PRKN: variants seen among roughly 807,000 people sequenced by gnomAD.
The protein encoded by PRKN is E3 ubiquitin-protein ligase parkin.
Under a neutral mutation model 59.5 loss-of-function variants are expected in PRKN, and 56 were observed. The ratio of observed to expected loss-of-function variants is 0.94; its 90% CI spans 0.76 to 1.18. The LOEUF is 1.18. PRKN is among the 50% of genes most tolerant of loss of function. PRKN has a pLI of 0.00. For missense variants in PRKN, 657 were observed against 596.4 expected (o/e 1.10, Z -1.06); for synonymous variants, 250 against 222.1 (o/e 1.13, Z -1.12).
intron 2 of PRKN, among the ~76,000 whole-genome samples, chr6:162,424,587 T>C (rs922793711): frequency 6.6e-6 from 1 of 151,580 alleles, no homozygotes; most frequent in Non-Finnish European, 1.5e-5. Flanking sequence ...TACAAAAAAA[T>C]TAGCCGGGTG....
intron 5 of PRKN, among the ~76,000 whole-genome samples, chr6:162,005,472 A>G (rs1215028314): frequency 6.6e-6 from 1 of 152,008 alleles, no homozygotes; most frequent in Admixed American, 6.6e-5. Flanking sequence ...AAAAGATTCA[A>G]CTCAACTCTC....
chr6:162,487,713 T>G (rs1792612521), intron 1 of PRKN, among the ~76,000 whole-genome samples: 1 of 152,080 alleles, frequency 6.6e-6, no homozygotes, highest in Non-Finnish European at 1.5e-5. Flanking sequence ...TAGAAACAAC[T>G]ATTATTTGTT....
chr6:162,109,571 A>C (rs963337369), intron 4 of PRKN, among the ~76,000 whole-genome samples: 1 of 152,186 alleles, frequency 6.6e-6, no homozygotes, highest in African/African-American at 2.4e-5. Flanking sequence ...AGTTGACTCC[A>C]TGAGCTCAGC....
chr6:162,358,995 G>A (rs1375043731), intron 2 of PRKN, among the ~76,000 whole-genome samples: 2 of 148,718 alleles, frequency 1.3e-5, no homozygotes, highest in African/African-American at 5.0e-5. Flanking sequence ...GGGAGGTGGA[G>A]GTTGCAGTGA....
chr6:162,279,182 C>CA (rs1182765569), intron 2 of PRKN, among the ~76,000 whole-genome samples: 4 of 151,450 alleles, frequency 2.6e-5, no homozygotes, highest in Admixed American at 6.6e-5. Context: ...ACTAAAAATA[C>CA]AAAAAATTAG....
At chr6:162,055,944 C>A (rs536466445) in intron 4 of PRKN, among the ~76,000 whole-genome samples, 1 of 152,028 alleles carries the variant, frequency 6.6e-6, no homozygotes, top group Non-Finnish European at 1.5e-5. Context: ...TGCACACACA[C>A]ATGCATGCCA....
At chr6:162,411,498 C>T (rs1788352663) in intron 2 of PRKN, among the ~76,000 whole-genome samples, 1 of 152,128 alleles carries the variant, frequency 6.6e-6, no homozygotes, top group African/African-American at 2.4e-5. Context: ...TTGGAGATGA[C>T]ACTTGTCAAC....
Position 161,417,182 on chromosome 6 carries a change from T to G in PRKN, c.1084-30305A>C, listed in dbSNP as rs1010470526. The stretch of plus-strand genomic sequence containing the variant: ...AAGTCATCTAACGGGCTTGGCGCAG[T>G]GGCTCACGCCTGTAATCCCAGCACT... On this transcript the variant is annotated intron_variant, in intron 9 of 11. Coordinates refer to ENST00000366898, the MANE Select transcript of PRKN (RefSeq NM_004562.3). The surrounding 1 kb of genome is among the most constrained non-coding windows in gnomAD (Gnocchi z 5.4). 6.6e-6 allele frequency among the ~76,000 whole-genome samples: 1 copy of G among 152,180 alleles called. No homozygotes were observed. Among genetic ancestry groups the G allele is most frequent in the African/African-American group, 2.4e-5 (1 of 41,430 alleles).
chr6:161,566,215 G>A lies in PRKN; in HGVS notation c.933+3140C>T, dbSNP rs907890778. Among the ~76,000 whole-genome samples the A allele has an allele frequency of 6.6e-6, 1 of 152,058 alleles. No homozygotes were observed. Among genetic ancestry groups the A allele is most frequent in the African/African-American group, 2.4e-5 (1 of 41,402 alleles). Reference sequence around the variant, plus strand: ...GTTCACCTCTCACATGAATCCATTCGAGGCAGGCTTTCCCCTCACTGCCCA... The same window carrying A: ...GTTCACCTCTCACATGAATCCATTCAAGGCAGGCTTTCCCCTCACTGCCCA... On this transcript the variant is annotated intron_variant, in intron 8 of 11. Transcript: ENST00000366898. This position sits in a 1 kb window ranked among gnomAD's most constrained non-coding sequence, Gnocchi z 4.1.
At chr6:161,537,436 CT>C (rs1055309154) in intron 9 of PRKN, among the ~76,000 whole-genome samples, 10 of 148,786 alleles carry the variant, frequency 6.7e-5, no homozygotes, top group South Asian at 2.1e-4. Flanking sequence ...GCTTCAAGTT[CT>C]TTTTTTTTTC....
chr6:161,627,329 G>C lies in PRKN; in HGVS notation c.872-57913C>G, dbSNP rs151190615. On this transcript the variant is annotated intron_variant, in intron 7 of 11. Transcript: ENST00000366898. ...CTGAATCAAAGGGCAACTAAAGTAC[G>C]TATTATTTTCTGAAAGAACTCTACC... Among the ~76,000 whole-genome samples, 12 of 152,270 alleles carry C rather than the reference G, an allele frequency of 7.9e-5. No individual in the cohort carries two copies. In the East Asian group the frequency reaches 2.3e-3, roughly 29 times the overall value.
intron 7 of PRKN, among the ~76,000 whole-genome samples, chr6:161,617,023 C>A (rs1782723468): frequency 6.6e-6 from 1 of 152,212 alleles, no homozygotes; most frequent in Admixed American, 6.5e-5. Flanking sequence ...TACACTTCCA[C>A]TATCAGTGTA....
At chr6:162,202,094 AAT>A (rs1784753614) in intron 3 of PRKN, among the ~76,000 whole-genome samples, 1 of 152,170 alleles carries the variant, frequency 6.6e-6, no homozygotes, top group Non-Finnish European at 1.5e-5. Context: ...AAAATTACTA[AAT>A]AGTTTTTTCT....
At chr6:162,111,546 A>G (rs1048771594) in intron 4 of PRKN, among the ~76,000 whole-genome samples, 4 of 152,090 alleles carry the variant, frequency 2.6e-5, no homozygotes, top group Non-Finnish European at 4.4e-5. Flanking sequence ...TCACATACAT[A>G]CACACATGTA....
Position 162,262,352 on chromosome 6 carries a change from C to A in PRKN, c.412+173G>T, listed in dbSNP as rs1210163246. ...ATAGTACTTACAATAAATGCATTCT[C>A]AAATGTTACATCAAAGTACTCCACC... On this transcript the variant is annotated intron_variant, in intron 3 of 11. Coordinates refer to ENST00000366898, the MANE Select transcript of PRKN (RefSeq NM_004562.3). 5 of 785,630 alleles carry A rather than the reference C, an allele frequency of 6.4e-6. No individual in the cohort carries two copies. In the Admixed American group the frequency reaches 7.1e-5, roughly 11 times the overall value. 48.7% of individuals were successfully genotyped at this position (785,630 alleles called of 1,614,324 possible).
At chr6:162,574,905 G>T (rs1183749890) in intron 1 of PRKN, among the ~76,000 whole-genome samples, 2 of 140,918 alleles carry the variant, frequency 1.4e-5, no homozygotes, top group Non-Finnish European at 3.1e-5. Context: ...AGTGGACTTG[G>T]CAACAGTGTA....
chr6:161,791,771 T>C (rs981737401), intron 6 of PRKN, among the ~76,000 whole-genome samples: 4 of 152,202 alleles, frequency 2.6e-5, no homozygotes, highest in African/African-American at 4.8e-5. Context: ...TAGGATATAT[T>C]GCCACGCTCA....
At chr6:161,996,241 T>G (rs142105074) in intron 5 of PRKN, among the ~76,000 whole-genome samples, 1 of 152,172 alleles carries the variant, frequency 6.6e-6, no homozygotes, top group East Asian at 1.9e-4. Context: ...ATCCTATGCT[T>G]GCAGAAACCT....
At chr6:162,173,383 T>C (rs892197786) in intron 4 of PRKN, among the ~76,000 whole-genome samples, 8 of 152,208 alleles carry the variant, frequency 5.3e-5, no homozygotes, top group African/African-American at 1.9e-4. Context: ...CAGTTAGTGT[T>C]AGACAATTCA....
Sources: allele counts gnomAD v4.1 joint callset (sites outside exome capture counted in the v4.1 genomes callset), GRCh38; gene constraint gnomAD v4.1.1; non-coding constraint Gnocchi (gnomAD v3.1); transcripts MANE v1.5; gene names NCBI Gene and HGNC (gene_info 2026-07-23, HGNC 2026-07-21).